The following JAK1 variants were observed in gnomAD, a reference collection of about 807,000 sequenced individuals.
The protein encoded by JAK1 is Janus kinase 1.
A neutral mutation model predicts 136.6 loss-of-function variants in JAK1; 16 were observed. The ratio of observed to expected loss-of-function variants is 0.12; its 90% CI spans 0.08 to 0.18. The LOEUF is 0.18. Ranked by LOEUF, JAK1 falls within the 10% of genes least tolerant of loss-of-function variation. JAK1 has a pLI of 1.00. For synonymous variants in JAK1, 492 were observed against 519.5 expected (o/e 0.95, Z 0.72); for missense variants, 859 against 1,450.1 (o/e 0.59, Z 6.62).
chr1:64,969,618 G>A (rs1646432202), upstream of JAK1, among the ~76,000 whole-genome samples: 1 of 152,082 alleles, frequency 6.6e-6, no homozygotes, highest in South Asian at 2.1e-4. Context: ...CTAAGGCAGT[G>A]GACTGGGGAA....
chr1:64,855,992 T>TA (rs1445391253), intron 10 of JAK1, among the ~76,000 whole-genome samples: 2 of 152,242 alleles, frequency 1.3e-5, no homozygotes, highest in Non-Finnish European at 2.9e-5. Context: ...ACCTGTAAGA[T>TA]AAAGTTCATG....
chr1:64,985,417 G>C, intron 2 of JAK1: 1 of 1,609,662 alleles, frequency 6.2e-7, no homozygotes, highest in Non-Finnish European at 8.5e-7. Flanking sequence ...CACAACCACT[G>C]GAGGATCTCC....
At chr1:64,891,462 G>T (rs1644935314) in intron 1 of JAK1, among the ~76,000 whole-genome samples, 2 of 152,130 alleles carry the variant, frequency 1.3e-5, no homozygotes, top group African/African-American at 4.8e-5. Flanking sequence ...AAAAATCACT[G>T]CATGGCCCCA....
upstream of JAK1, among the ~76,000 whole-genome samples, chr1:64,969,524 G>T (rs1424847070): frequency 1.3e-5 from 2 of 152,064 alleles, no homozygotes. Flanking sequence ...CTAGTCTAGG[G>T]ATAATGTGGA....
chr1:64,999,776 C>T (rs1475882130), intron 2 of JAK1, among the ~76,000 whole-genome samples: 5 of 151,566 alleles, frequency 3.3e-5, no homozygotes, highest in Non-Finnish European at 5.9e-5. Context: ...CTTCAGGATC[C>T]TCCCCAAACT....
chr1:65,041,979 G>C (rs1046178316), intron 2 of JAK1, among the ~76,000 whole-genome samples: 3 of 152,194 alleles, frequency 2.0e-5, no homozygotes, highest in Admixed American at 2.0e-4. Context: ...GGAGGCGGAG[G>C]TTGCAGTGAG....
At chr1:64,871,576 T>A (rs1657075684) in intron 5 of JAK1, among the ~76,000 whole-genome samples, 2 of 152,112 alleles carry the variant, frequency 1.3e-5, no homozygotes, top group Middle Eastern at 3.4e-3. Context: ...CCCACCCTCT[T>A]CCCCCAAGAC....
intron 2 of JAK1, among the ~76,000 whole-genome samples, chr1:65,024,092 T>C (rs1035782898): frequency 6.6e-6 from 1 of 152,152 alleles, no homozygotes; most frequent in African/African-American, 2.4e-5. Flanking sequence ...TACAAAACTT[T>C]TTGCGGCCAT....
At chr1:64,864,308 A>G (rs1656556625) in intron 8 of JAK1, among the ~76,000 whole-genome samples, 1 of 152,194 alleles carries the variant, frequency 6.6e-6, no homozygotes, top group Non-Finnish European at 1.5e-5. Context: ...AGAGGAAGTG[A>G]GATTAAACAC....
chr1:64,955,614 T>C (rs1646172532), intron 1 of JAK1, among the ~76,000 whole-genome samples: 1 of 152,188 alleles, frequency 6.6e-6, no homozygotes, highest in African/African-American at 2.4e-5. Flanking sequence ...GTTTGGATTG[T>C]TTTCTATAGG....
At chr1:64,841,841 A>T (rs1182814643) in intron 17 of JAK1, among the ~76,000 whole-genome samples, 1 of 152,244 alleles carries the variant, frequency 6.6e-6, no homozygotes, top group Non-Finnish European at 1.5e-5. Context: ...AGCTTCATTC[A>T]AGTAAAGGCA....
At chr1:64,953,661 T>A (rs182004262) in intron 1 of JAK1, among the ~76,000 whole-genome samples, 197 of 151,718 alleles carry the variant, frequency 1.3e-3, no homozygotes, top group Non-Finnish European at 2.3e-3. Context: ...AAACAAAAAA[T>A]TTTTTTTTAT....
chr1:64,864,574 C>T (rs554435691), intron 8 of JAK1, among the ~76,000 whole-genome samples: 2 of 152,358 alleles, frequency 1.3e-5, no homozygotes, highest in South Asian at 4.1e-4. Flanking sequence ...GGCAGATTCA[C>T]ATTTCTGAGA....
chr1:65,008,523 T>C (rs1032943431), intron 2 of JAK1, among the ~76,000 whole-genome samples: 5 of 152,144 alleles, frequency 3.3e-5, no homozygotes, highest in African/African-American at 1.2e-4. Flanking sequence ...CCTCCCACTA[T>C]GGCCTCCCAA....
chr1:64,861,904 G>C (rs1385115066), intron 8 of JAK1, among the ~76,000 whole-genome samples: 2 of 145,812 alleles, frequency 1.4e-5, no homozygotes, highest in Non-Finnish European at 2.9e-5. Context: ...CTCTGAACAA[G>C]GGGCAGGCTG....
intron 22 of JAK1, among the ~76,000 whole-genome samples, chr1:64,836,599 C>A (rs1170361341): frequency 5.3e-5 from 8 of 152,134 alleles, no homozygotes; most frequent in Admixed American, 2.6e-4. Context: ...GCTGTCCAAT[C>A]CTCTTCCAGC....
At chr1:64,843,283 C>G (rs755331112) in intron 17 of JAK1, among the ~76,000 whole-genome samples, 5 of 152,198 alleles carry the variant, frequency 3.3e-5, no homozygotes, top group Admixed American at 6.5e-5. Context: ...GAAACTGATG[C>G]CTGCCCCCTC....
exon 2 of JAK1, among the ~76,000 whole-genome samples, chr1:65,044,509 G>T (rs1421308262): frequency 6.6e-6 from 1 of 152,236 alleles, no homozygotes; most frequent in Non-Finnish European, 1.5e-5. Flanking sequence ...GCTTATGGCA[G>T]CTTGGTGCTG....
intron 1 of JAK1, among the ~76,000 whole-genome samples, chr1:64,961,066 G>C (rs1049958058): frequency 2.0e-5 from 3 of 152,166 alleles, no homozygotes; most frequent in Non-Finnish European, 4.4e-5. Flanking sequence ...GCTTGCCTCT[G>C]AGAACATGTC....
Sources: allele counts gnomAD v4.1 joint callset (sites outside exome capture counted in the v4.1 genomes callset), GRCh38; gene constraint gnomAD v4.1.1; transcripts MANE v1.5; gene names NCBI Gene and HGNC (gene_info 2026-07-23, HGNC 2026-07-21).